Variants in GATM observed in about 807,000 individuals in gnomAD.
GATM encodes the protein glycine amidinotransferase.
GATM carries 23 observed loss-of-function variants against 54.2 expected under a neutral mutation model. That is an observed-to-expected ratio of 0.42 (90% CI 0.31 to 0.60). GATM has a LOEUF of 0.60. Ranked by LOEUF, GATM falls within the 20% of genes least tolerant of loss-of-function variation. GATM has a pLI of 0.14. For missense variants in GATM, 401 were observed against 544.9 expected, an observed-to-expected ratio of 0.74 and a Z score of 2.63; for synonymous variants, 168 against 183.1, an observed-to-expected ratio of 0.92 and a Z score of 0.67.
intron 2 of GATM, among the ~76,000 whole-genome samples, chr15:45,375,963 C>T (rs924320741): frequency 5.3e-5 from 8 of 152,110 alleles, no homozygotes; most frequent in African/African-American, 1.9e-4. Context: ...GAGCTCCCAA[C>T]CTTTAGGGAG....
At position 45,369,292 on chromosome 15, in the gene GATM, G is replaced by C. The variant is rs761676917; in HGVS notation, c.484+34C>G. 2.0e-5 allele frequency: 32 copies of C among 1,580,934 alleles called. No individual in the cohort carries two copies. In the Admixed American group the frequency reaches 3.2e-4, roughly 16 times the overall value. ...CATTAAGAAAGAAATTGAAAATTCAGACACTGGCAGTTTAGTTATCTGACA... is the reference window on the plus strand; with the variant it reads ...CATTAAGAAAGAAATTGAAAATTCACACACTGGCAGTTTAGTTATCTGACA... On this transcript the variant is annotated intron_variant, in intron 3 of 8. Transcript: ENST00000396659.
In GATM at chr15:45,362,129, A is replaced by G. The variant is rs1145086; in HGVS notation, c.1252T>C (p.Leu418=). Residue 418 remains leucine, a synonymous_variant, in exon 9 of 9, where the codon TTA becomes CTA. Transcript: ENST00000396659. ...WTCDVRRRGT[L]QSYLD ...CCTGTTCAGTCCAAGTAGGACTGTA[A>G]GGTGCCTCGGCGCCGGACATCGCAG... is the stretch of plus-strand genomic sequence containing the variant. 712,851 of 1,609,502 alleles carry G rather than the reference A, an allele frequency of 0.44. 176,650 individuals carry two copies. Among genetic ancestry groups the G allele is most frequent in the East Asian group, 0.93 (41,611 of 44,838 alleles).
chr15:45,364,061 G>A, intron 7 of GATM, 45 bp from the exon 8 acceptor site: 2 of 1,151,230 alleles, frequency 1.7e-6, no homozygotes, highest in Non-Finnish European at 1.3e-6. Flanking sequence ...TATCATTTTT[G>A]TTTAAAGCAA....
chr15:45,386,134 G>A (rs752024473), intron 3 of GATM, among the ~76,000 whole-genome samples: 7 of 152,196 alleles, frequency 4.6e-5, no homozygotes, highest in Non-Finnish European at 1.0e-4. Context: ...GGGGTTGGAA[G>A]TGATCTCTGG....
At chr15:45,400,070 A>G (rs1172112888) in intron 1 of GATM, among the ~76,000 whole-genome samples, 1 of 151,932 alleles carries the variant, frequency 6.6e-6, no homozygotes, top group Non-Finnish European at 1.5e-5. Context: ...AAAAATCCAA[A>G]AGTTAGCCAG....
upstream of GATM, among the ~76,000 whole-genome samples, chr15:45,381,774 A>G (rs1179357666): frequency 6.6e-6 from 1 of 152,256 alleles, no homozygotes; most frequent in Non-Finnish European, 1.5e-5. Context: ...AGTAAATTAG[A>G]AACAATAATG....
intron 4 of GATM, among the ~76,000 whole-genome samples, chr15:45,367,340 C>CA (rs199666485): frequency 7.9e-4 from 109 of 138,800 alleles, no homozygotes; most frequent in African/African-American, 1.2e-3. Context: ...GACTCCATCT[C>CA]AAAAAAAAAA....
chr15:45,375,810 A>C (rs963305938), intron 2 of GATM, among the ~76,000 whole-genome samples: 1 of 152,154 alleles, frequency 6.6e-6, no homozygotes, highest in African/African-American at 2.4e-5. Context: ...AGCAAAGTAC[A>C]GGAGGAAAAG....
chr15:45,377,121 C>T (rs1190669662), intron 1 of GATM: 4 of 475,344 alleles, frequency 8.4e-6, no homozygotes, highest in African/African-American at 4.0e-5. Flanking sequence ...AATGCAATTC[C>T]TGCACTCAAG....
At chr15:45,395,324 A>G (rs920364798) in intron 3 of GATM, among the ~76,000 whole-genome samples, 1 of 152,176 alleles carries the variant, frequency 6.6e-6, no homozygotes, top group African/African-American at 2.4e-5. Flanking sequence ...CAACTCTAAT[A>G]TACCTTAGGT....
Position 45,362,082 on chromosome 15 carries a change from G to C in GATM, c.*27C>G, listed in dbSNP as rs200143728. ...CCTAAGCTTCTTAGGTGTATCTGAGGCCAGCCACAAGCTCCATCAGGCCTG... is the reference window on the plus strand; with the variant it reads ...CCTAAGCTTCTTAGGTGTATCTGAGCCCAGCCACAAGCTCCATCAGGCCTG... On this transcript the variant is annotated 3_prime_UTR_variant, in exon 9 of 9. Transcript: ENST00000396659. 6.6e-4 allele frequency: 930 copies of C among 1,402,906 alleles called. 1 individual carries two copies. Among genetic ancestry groups the C allele is most frequent in the Non-Finnish European group, 8.5e-4 (836 of 989,336 alleles). 86.9% of individuals were successfully genotyped at this position (1,402,906 alleles called of 1,614,324 possible).
chr15:45,370,389 G>A (rs1349121617), intron 2 of GATM, among the ~76,000 whole-genome samples: 6 of 127,050 alleles, frequency 4.7e-5, no homozygotes, highest in Admixed American at 9.1e-5. Context: ...AAAAAAAAAA[G>A]AAAAAGAAAA....
chr15:45,393,274 C>A (rs1455039194), intron 3 of GATM, among the ~76,000 whole-genome samples: 1 of 152,140 alleles, frequency 6.6e-6, no homozygotes, highest in African/African-American at 2.4e-5. Flanking sequence ...TTGGTTATAG[C>A]GTAGCATAGT....
At chr15:45,379,823 T>G (rs1478141785), upstream of GATM, 1 of 151,886 alleles carries the variant, frequency 6.6e-6, no homozygotes, top group Non-Finnish European at 1.5e-5. Flanking sequence ...CCCTGTCTAC[T>G]AAAAATACAA....
intron 2 of GATM, among the ~76,000 whole-genome samples, chr15:45,370,091 T>C (rs1440720572): frequency 6.6e-6 from 1 of 152,120 alleles, no homozygotes; most frequent in Non-Finnish European, 1.5e-5. Flanking sequence ...AAAACCCCAT[T>C]ATTGGCCAGG....
In GATM at chr15:45,364,832, G is replaced by C. The variant is rs1481334244; in HGVS notation, c.1007C>G (p.Thr336Ser). Residue 336 changes from threonine (T) to serine (S), a missense_variant, in exon 7 of 9, where the codon ACT (threonine) becomes AGT (serine). Physicochemically the swap from Thr to Ser is moderately conservative, Grantham distance 58 (BLOSUM62 1). Around this residue, in one of 3 missense-constraint regions of GATM, gnomAD observed 321 missense variants for 457.5 expected, o/e 0.70. Coordinates refer to ENST00000396659, the MANE Select transcript of GATM (RefSeq NM_001482.3). ...QIDLFKKAGW[T>S]IITPPTPIIP... ...GATTGGTGTTGGAGGAGTAATGATA[G>C]TCCATCCTGCTTTCTTGAAAAGATC... The C allele has an allele frequency of 6.2e-7, 1 of 1,613,900 alleles. No homozygotes were observed.
intron 3 of GATM, among the ~76,000 whole-genome samples, chr15:45,383,573 C>T (rs1313954933): frequency 6.6e-6 from 1 of 150,796 alleles, no homozygotes; most frequent in Admixed American, 6.7e-5. Context: ...AAGGCAAAGG[C>T]CAACCCATTT....
rs753297487 is a variant in GATM, at chr15:45,366,026, A to G, written c.978+20T>C. ...TTACTAGATTCTGTTGCTTTTCCAG[A>G]GTCCCAAGAAATCTCTTACCTGGTG... On this transcript the variant is annotated intron_variant, in intron 6 of 8. Coordinates refer to ENST00000396659, the MANE Select transcript of GATM (RefSeq NM_001482.3). 1 of 1,613,346 alleles carries G rather than the reference A, an allele frequency of 6.2e-7. No homozygotes were observed. Among genetic ancestry groups the G allele is most frequent in the Non-Finnish European group, 8.5e-7 (1 of 1,179,318 alleles).
At chr15:45,390,187 C>T (rs1331229228) in intron 3 of GATM, among the ~76,000 whole-genome samples, 1 of 152,164 alleles carries the variant, frequency 6.6e-6, no homozygotes, top group Non-Finnish European at 1.5e-5. Flanking sequence ...CCACGTGATA[C>T]CCATGCTGCC....
Sources: gnomAD v4.1 joint callset for allele counts (sites outside exome capture counted in the v4.1 genomes callset) on GRCh38, gnomAD v4.1.1 for gene constraint, gnomAD v4.1.1 regional missense constraint, MANE v1.5 for transcripts, NCBI Gene and HGNC (gene_info 2026-07-23, HGNC 2026-07-21) for gene names.